The following PTPRA variants were observed in gnomAD, a reference collection of about 807,000 sequenced individuals.
The protein encoded by PTPRA is protein tyrosine phosphatase receptor type A, also known as receptor-type tyrosine-protein phosphatase alpha.
A neutral mutation model predicts 104.8 loss-of-function variants in PTPRA; 25 were observed. The ratio of observed to expected loss-of-function variants is 0.24; its 90% CI spans 0.17 to 0.33. PTPRA has a LOEUF of 0.33. PTPRA is among the 10% of genes least tolerant of loss of function. The probability of loss-of-function intolerance (pLI) is 1.00; values close to 1 mark genes in which losing one functional copy is unlikely to be tolerated. For synonymous variants in PTPRA, 323 were observed against 368.9 expected (o/e 0.88, Z 1.43); for missense variants, 765 against 1,015.3 (o/e 0.75, Z 3.35).
chr20:3,024,597 C>T lies in PTPRA; in HGVS notation c.1590C>T (p.Asn530=). The T allele has an allele frequency of 1.9e-6, 3 of 1,614,162 alleles. No individual in the cohort carries two copies. The highest frequency in any genetic ancestry group is 2.5e-6 in the Non-Finnish European group (3 of 1,180,036). Residue 530 remains asparagine (N), a synonymous_variant, in exon 17 of 24, where the codon AAC becomes AAT. Transcript: ENST00000399903. The part of the protein sequence containing the change: ...KIYNKIPGTS[N]NGLEEEFKKL... Reference sequence around the variant, plus strand: ...ACAACAAAATCCCAGGGACCAGCAACAATGGATTAGAGGAGGAGTTTAAGG... The same window carrying T: ...ACAACAAAATCCCAGGGACCAGCAATAATGGATTAGAGGAGGAGTTTAAGG...
chr20:3,007,013 A>AT (rs1430158840), intron 10 of PTPRA, among the ~76,000 whole-genome samples: 1 of 152,092 alleles, frequency 6.6e-6, no homozygotes, highest in Non-Finnish European at 1.5e-5. Flanking sequence ...TATAATACAT[A>AT]TTTTTTAATA....
chr20:3,033,732 T>C (rs2065646071), intron 20 of PTPRA, among the ~76,000 whole-genome samples: 1 of 151,408 alleles, frequency 6.6e-6, no homozygotes, highest in African/African-American at 2.4e-5. Flanking sequence ...AGAAACCCCG[T>C]CTCTACTAAA....
In PTPRA at chr20:3,032,988, G is replaced by A. The variant is rs184224671; in HGVS notation, c.1921-2597G>A. 5.3e-5 allele frequency among the ~76,000 whole-genome samples: 8 copies of A among 150,942 alleles called. No homozygotes were observed. In the East Asian group the frequency reaches 9.7e-4, roughly 18 times the overall value. On this transcript the variant is annotated intron_variant, in intron 20 of 23. Coordinates refer to ENST00000399903, the MANE Select transcript of PTPRA (RefSeq NM_001385305.1). ...CCTCTTCCTCAGAACACTTACTTCC[G>A]TAGCATCACCCCACTCACTAACCTG...
intron 1 of PTPRA, among the ~76,000 whole-genome samples, chr20:2,881,277 C>T (rs1238615238): frequency 6.6e-6 from 1 of 151,592 alleles, no homozygotes; most frequent in Non-Finnish European, 1.5e-5. Flanking sequence ...CGCCACTGCA[C>T]TCAAGCCTGG....
chr20:2,980,684 C>T (rs561356260), intron 6 of PTPRA, among the ~76,000 whole-genome samples: 33 of 152,268 alleles, frequency 2.2e-4, no homozygotes, highest in Non-Finnish European at 4.6e-4. Context: ...CCCCTCCCCC[C>T]ATCTCTACAA....
intron 9 of PTPRA, among the ~76,000 whole-genome samples, chr20:2,991,743 T>C (rs1031127430): frequency 2.6e-5 from 4 of 152,164 alleles, no homozygotes; most frequent in African/African-American, 9.7e-5. Context: ...CACGAGCTCA[T>C]TGGGCCAGCA....
At chr20:2,964,246 A>T in intron 3 of PTPRA, 26 bp from the exon 4 acceptor site, 2 of 1,566,392 alleles carry the variant, frequency 1.3e-6, no homozygotes, top group Non-Finnish European at 1.8e-6. Context: ...ATAGGACCTC[A>T]TCTAACATGA....
Position 3,022,451 on chromosome 20 carries a change from A to T in PTPRA, c.1328+231A>T, listed in dbSNP as rs2064924862. Among the ~76,000 whole-genome samples the T allele has an allele frequency of 6.6e-6, 1 of 152,180 alleles. No individual in the cohort carries two copies. The highest frequency in any genetic ancestry group is 2.4e-5 in the African/African-American group (1 of 41,448). ...TTAGGAGTTGGGAGACCCTGCTATG[A>T]AGCCAAAAGACTGGGTCAAGTGCTG... On this transcript the variant is annotated intron_variant, in intron 15 of 23. Coordinates refer to ENST00000399903, the MANE Select transcript of PTPRA (RefSeq NM_001385305.1). This position sits in a 1 kb window ranked among gnomAD's most constrained non-coding sequence, Gnocchi z 4.6.
At chr20:2,991,125 A>G (rs567105082) in intron 9 of PTPRA, among the ~76,000 whole-genome samples, 1 of 152,266 alleles carries the variant, frequency 6.6e-6, no homozygotes, top group East Asian at 1.9e-4. Context: ...AGGCCAAGCC[A>G]GGCAGATCAC....
At chr20:2,936,763 A>G (rs187593229) in intron 2 of PTPRA, among the ~76,000 whole-genome samples, 11 of 152,166 alleles carry the variant, frequency 7.2e-5, no homozygotes, top group Admixed American at 2.0e-4. Flanking sequence ...GTAAACCATT[A>G]CACGTGGTCT....
chr20:2,875,810 G>T (rs547694097), intron 1 of PTPRA, among the ~76,000 whole-genome samples: 1 of 152,274 alleles, frequency 6.6e-6, no homozygotes, highest in Non-Finnish European at 1.5e-5. Flanking sequence ...TATTTGCAGA[G>T]CCTCTGCCAG....
At chr20:2,931,817 A>G (rs765605507) in intron 2 of PTPRA, among the ~76,000 whole-genome samples, 14 of 152,000 alleles carry the variant, frequency 9.2e-5, no homozygotes, top group Non-Finnish European at 1.8e-4. Context: ...CTGCAGCCTC[A>G]AACGAACCTC....
intron 3 of PTPRA, among the ~76,000 whole-genome samples, chr20:2,957,936 A>G (rs1233829162): frequency 1.3e-5 from 2 of 151,736 alleles, no homozygotes; most frequent in Non-Finnish European, 2.9e-5. Flanking sequence ...TACAACCCTT[A>G]TGAGTTATTT....
At chr20:3,021,933 A>G in intron 14 of PTPRA, 121 bp from the exon 15 acceptor site, 1 of 1,284,356 alleles carries the variant, frequency 7.8e-7, no homozygotes, top group Non-Finnish European at 1.1e-6. Flanking sequence ...TGGTTAACTA[A>G]CTCCCCTGGG....
At chr20:2,915,595 A>G (rs1319553205) in intron 1 of PTPRA, among the ~76,000 whole-genome samples, 1 of 152,142 alleles carries the variant, frequency 6.6e-6, no homozygotes, top group Non-Finnish European at 1.5e-5. Flanking sequence ...ACGAATTCCA[A>G]TTTGTCAGTT....
chr20:2,924,067 A>G (rs993193474), intron 2 of PTPRA, among the ~76,000 whole-genome samples: 1 of 152,216 alleles, frequency 6.6e-6, no homozygotes, highest in East Asian at 1.9e-4. Context: ...TTTATGTATT[A>G]TAGCCAGAAA....
chr20:3,022,813 G>T lies in PTPRA; in HGVS notation c.1453G>T (p.Val485Leu). The T allele has an allele frequency of 1.2e-6, 2 of 1,614,196 alleles. No individual in the cohort carries two copies. The highest frequency in any genetic ancestry group is 1.7e-6 in the Non-Finnish European group (2 of 1,180,020). Reference sequence around the variant, plus strand: ...GATCCGGGCACAGCGCTGCCAGATGGTGCAAACCGATGTGAGTGATCTGTG... The same window carrying T: ...GATCCGGGCACAGCGCTGCCAGATGTTGCAAACCGATGTGAGTGATCTGTG... The part of the protein sequence containing the change: ...SRIRAQRCQM[V>L]QTDMQYVFIY... The change falls in exon 16 of 24, where the codon GTG becomes TTG. Residue 485 changes from valine to leucine, a missense_variant. Physicochemically the swap from Val to Leu is conservative, Grantham distance 32. This residue lies in a region of PTPRA where 245 missense variants were observed against 398.7 expected (regional missense o/e 0.61). Coordinates refer to ENST00000399903, the MANE Select transcript of PTPRA (RefSeq NM_001385305.1). The surrounding 1 kb of genome is among the most constrained non-coding windows in gnomAD (Gnocchi z 4.6).
At position 3,022,551 on chromosome 20, in the gene PTPRA, C is replaced by T; in HGVS notation, c.1329-138C>T. ...CAGGACATACTGGAGTTGTTGGCTC[C>T]TGGAGAGCCCCAGCTCTACCCCATT... On this transcript the variant is annotated intron_variant, in intron 15 of 23. Transcript: ENST00000399903. This position sits in a 1 kb window ranked among gnomAD's most constrained non-coding sequence, Gnocchi z 4.6. The T allele has an allele frequency of 8.0e-7, 1 of 1,249,472 alleles. No individual in the cohort carries two copies. The allele number at this position is 1,249,472 out of a possible 1,614,324, so 77.4% of individuals were successfully genotyped here. A position where few individuals can be genotyped will look rare whatever the true frequency, so the allele number is the denominator to read the frequency against.
At chr20:2,890,500 C>A in intron 1 of PTPRA, among the ~76,000 whole-genome samples, 1 of 152,194 alleles carries the variant, frequency 6.6e-6, no homozygotes, top group East Asian at 1.9e-4. Context: ...CATAGTAAAT[C>A]TTTAATAAAT....
Sources: allele counts gnomAD v4.1 joint callset (sites outside exome capture counted in the v4.1 genomes callset), GRCh38; gene constraint gnomAD v4.1.1; regional missense constraint gnomAD v4.1.1; non-coding constraint Gnocchi (gnomAD v3.1); transcripts MANE v1.5; gene names NCBI Gene and HGNC (gene_info 2026-07-23, HGNC 2026-07-21).